CNKSR3: variants seen among roughly 807,000 people sequenced by gnomAD.
The protein encoded by CNKSR3 is connector enhancer of kinase suppressor of ras 3.
A neutral mutation model predicts 67.7 loss-of-function variants in CNKSR3; 36 were observed. The observed-to-expected ratio is 0.53, with a 90% CI of 0.41 to 0.70. CNKSR3 has a LOEUF of 0.70. Ranked by LOEUF, CNKSR3 falls within the 30% of genes least tolerant of loss-of-function variation. The probability of loss-of-function intolerance (pLI) is 0.00; values close to 1 mark genes in which losing one functional copy is unlikely to be tolerated. For missense variants in CNKSR3, 630 were observed against 695.2 expected (o/e 0.91, Z 1.05); for synonymous variants, 281 against 271.4 (o/e 1.04, Z -0.35).
chr6:154,452,532 C>T (rs1444149149), intron 1 of CNKSR3, among the ~76,000 whole-genome samples: 2 of 152,316 alleles, frequency 1.3e-5, no homozygotes, highest in African/African-American at 4.8e-5. Context: ...TCTCTTGGGA[C>T]GCTGTCTTCC....
rs1784596902 is a variant in CNKSR3, at chr6:154,390,864, C to T, written c.*15490G>A. On this transcript the variant is annotated 3_prime_UTR_variant, in exon 13 of 13. Transcript: ENST00000607772. Reference sequence around the variant, plus strand: ...TGCCCAGGCTGGAGTGCAGTGGCTCCATCTCGGCTCACTGCAACCTCCACC... The same window carrying T: ...TGCCCAGGCTGGAGTGCAGTGGCTCTATCTCGGCTCACTGCAACCTCCACC... The T allele has an allele frequency of 6.9e-6, 1 of 145,618 alleles. No individual in the cohort carries two copies. The highest frequency in any genetic ancestry group is 2.6e-5 in the African/African-American group (1 of 38,676). 9.0% of individuals were successfully genotyped at this position (145,618 alleles called of 1,614,324 possible).
chr6:154,411,385 G>A (rs1321059124), intron 10 of CNKSR3, among the ~76,000 whole-genome samples: 6 of 152,132 alleles, frequency 3.9e-5, no homozygotes, highest in Admixed American at 1.3e-4. Flanking sequence ...AGCGGCTCCC[G>A]CCTGTAATCC....
At chr6:154,440,841 G>T (rs1484158640) in intron 4 of CNKSR3, among the ~76,000 whole-genome samples, 5 of 152,062 alleles carry the variant, frequency 3.3e-5, no homozygotes, top group Non-Finnish European at 7.3e-5. Context: ...GAGGTTTGGG[G>T]GTTGTTTGTT....
At chr6:154,407,879 A>AAAAC (rs1309583404) in intron 12 of CNKSR3, among the ~76,000 whole-genome samples, 1 of 150,726 alleles carries the variant, frequency 6.6e-6, no homozygotes, top group Non-Finnish European at 1.5e-5. Flanking sequence ...TTTGAAAAAA[A>AAAAC]AAAAAAAAAA....
At chr6:154,460,544 G>C (rs766472038) in intron 1 of CNKSR3, among the ~76,000 whole-genome samples, 5 of 152,274 alleles carry the variant, frequency 3.3e-5, no homozygotes, top group South Asian at 2.1e-4. Context: ...GTTGTTTGTT[G>C]TAATTCAGTA....
chr6:154,495,848 C>T (rs577269272), intron 1 of CNKSR3, among the ~76,000 whole-genome samples: 2 of 152,216 alleles, frequency 1.3e-5, no homozygotes, highest in South Asian at 2.1e-4. Flanking sequence ...GAGGCCTCTG[C>T]TTGAGTTCAG....
At chr6:154,453,692 T>A (rs1437731647) in intron 1 of CNKSR3, among the ~76,000 whole-genome samples, 1 of 152,220 alleles carries the variant, frequency 6.6e-6, no homozygotes, top group African/African-American at 2.4e-5. Flanking sequence ...TTGTTTAGAA[T>A]ACAATTAAAC....
At chr6:154,423,611 A>G (rs1469381825) in intron 7 of CNKSR3, among the ~76,000 whole-genome samples, 1 of 152,220 alleles carries the variant, frequency 6.6e-6, no homozygotes, top group Non-Finnish European at 1.5e-5. Context: ...CATCTAAAAA[A>G]ATTCTTACAC....
intron 1 of CNKSR3, among the ~76,000 whole-genome samples, chr6:154,464,122 T>C (rs1287630947): frequency 6.6e-6 from 1 of 152,236 alleles, no homozygotes; most frequent in East Asian, 1.9e-4. Context: ...ACTGTTATAC[T>C]TCTTGGTTTT....
At chr6:154,483,609 A>G (rs1404882369) in intron 1 of CNKSR3, among the ~76,000 whole-genome samples, 1 of 152,120 alleles carries the variant, frequency 6.6e-6, no homozygotes, top group African/African-American at 2.4e-5. Context: ...GAGCATGGCC[A>G]ACCCCTAGGC....
At position 154,396,348 on chromosome 6, in the gene CNKSR3, T is replaced by C. The variant is rs1234390394; in HGVS notation, c.*10006A>G. On this transcript the variant is annotated 3_prime_UTR_variant, in exon 13 of 13. Coordinates refer to ENST00000607772, the MANE Select transcript of CNKSR3 (RefSeq NM_173515.4). ...TCTGACACCTGGTATAATGTTTTCT[T>C]TAAAATGAGAGCCAATGTAATAAAA... is the stretch of plus-strand genomic sequence containing the variant. The C allele has an allele frequency of 6.6e-6, 1 of 152,218 alleles. No homozygotes were observed. Among genetic ancestry groups the C allele is most frequent in the Non-Finnish European group, 1.5e-5 (1 of 68,044 alleles). The allele number at this position is 152,218 out of a possible 1,614,324, so 9.4% of individuals were successfully genotyped here.
chr6:154,510,662 A>G lies in CNKSR3; in HGVS notation c.-548T>C, dbSNP rs1467585606. Reference sequence around the variant, plus strand: ...GTGCGCGCTCGGGTTGCAAAGTTTCAGCTCCGGTTGCTGCAAACCGAATAA... The same window carrying G: ...GTGCGCGCTCGGGTTGCAAAGTTTCGGCTCCGGTTGCTGCAAACCGAATAA... On this transcript the variant is annotated 5_prime_UTR_variant, in exon 1 of 13. Transcript: ENST00000607772. 1 of 110,336 alleles carries G rather than the reference A, an allele frequency of 9.1e-6. No homozygotes were observed. The highest frequency in any genetic ancestry group is 2.0e-5 in the Non-Finnish European group (1 of 48,782). The allele number at this position is 110,336 out of a possible 1,614,324, so 6.8% of individuals were successfully genotyped here.
chr6:154,414,194 A>G (rs1348501599), intron 10 of CNKSR3, 105 bp downstream of exon 10: 3 of 1,236,726 alleles, frequency 2.4e-6, no homozygotes, highest in African/African-American at 1.5e-5. Context: ...GCCCTGTCAC[A>G]CTGTGGCTCA....
At chr6:154,454,928 C>T (rs1017482573) in intron 1 of CNKSR3, among the ~76,000 whole-genome samples, 2 of 152,062 alleles carry the variant, frequency 1.3e-5, no homozygotes, top group Non-Finnish European at 1.5e-5. Flanking sequence ...TTTCCCAGAA[C>T]GTGTTCCCAA....
At chr6:154,506,703 C>A (rs1017017013) in intron 1 of CNKSR3, among the ~76,000 whole-genome samples, 8 of 152,242 alleles carry the variant, frequency 5.3e-5, no homozygotes, top group Non-Finnish European at 1.0e-4. Context: ...ACTGGGTTTT[C>A]TGTTATGTGC....
At chr6:154,472,737 A>AT (rs928190851) in intron 1 of CNKSR3, among the ~76,000 whole-genome samples, 9 of 151,248 alleles carry the variant, frequency 6.0e-5, no homozygotes, top group Non-Finnish European at 7.4e-5. Context: ...AATTGTATAA[A>AT]TTTTTTTTTA....
In CNKSR3 at chr6:154,397,737, C is replaced by T. The variant is rs73009456; in HGVS notation, c.*8617G>A. ...AGTAAAAGCAAATCTGCGGCCATCA[C>T]TAGGTGCACAGTGCAGTGGGGGTGT... On this transcript the variant is annotated 3_prime_UTR_variant, in exon 13 of 13. Transcript: ENST00000607772. The T allele has an allele frequency of 0.085, 12,845 of 150,838 alleles. 831 individuals carry two copies. The highest frequency in any genetic ancestry group is 0.23 in the Admixed American group (3,443 of 15,122). The allele number at this position is 150,838 out of a possible 1,614,324, so 9.3% of individuals were successfully genotyped here. A position where few individuals can be genotyped will look rare whatever the true frequency, so the allele number is the denominator to read the frequency against.
At position 154,393,736 on chromosome 6, in the gene CNKSR3, G is replaced by T. The variant is rs375886917; in HGVS notation, c.*12618C>A. The stretch of plus-strand genomic sequence containing the variant: ...TATAAGAAATCTTTCCCTATCCAAG[G>T]TTACAAAAACAAATTTCAAAATGAT... On this transcript the variant is annotated 3_prime_UTR_variant, in exon 13 of 13. Coordinates refer to ENST00000607772, the MANE Select transcript of CNKSR3 (RefSeq NM_173515.4). 1.3e-5 allele frequency: 2 copies of T among 151,948 alleles called. No individual in the cohort carries two copies. Among genetic ancestry groups the T allele is most frequent in the Non-Finnish European group, 2.9e-5 (2 of 67,982 alleles). The allele number at this position is 151,948 out of a possible 1,614,324, so 9.4% of individuals were successfully genotyped here. A position where few individuals can be genotyped will look rare whatever the true frequency, so the allele number is the denominator to read the frequency against.
In CNKSR3 at chr6:154,417,733, G is replaced by T. The variant is rs1168042280; in HGVS notation, c.946-3310C>A. Among the ~76,000 whole-genome samples the T allele has an allele frequency of 3.3e-5, 5 of 152,236 alleles. No homozygotes were observed. In the East Asian group the frequency reaches 9.6e-4, roughly 29 times the overall value. ...ATAAGATTAAGACACAGACATATATGGAGGGAAGACCACACGAGAACAGAG... is the reference window on the plus strand; with the variant it reads ...ATAAGATTAAGACACAGACATATATTGAGGGAAGACCACACGAGAACAGAG... On this transcript the variant is annotated intron_variant, in intron 9 of 12. Coordinates refer to ENST00000607772, the MANE Select transcript of CNKSR3 (RefSeq NM_173515.4).
Sources: gnomAD v4.1 joint callset for allele counts (sites outside exome capture counted in the v4.1 genomes callset) on GRCh38, gnomAD v4.1.1 for gene constraint, MANE v1.5 for transcripts, NCBI Gene and HGNC (gene_info 2026-07-23, HGNC 2026-07-21) for gene names.